SHISA9: variants seen among roughly 807,000 people sequenced by gnomAD.
The protein encoded by SHISA9 is shisa family member 9.
A neutral mutation model predicts 38.0 loss-of-function variants in SHISA9; 13 were observed. That is an observed-to-expected ratio of 0.34 (90% CI 0.22 to 0.54). The LOEUF is 0.54. Among genes scored for constraint, SHISA9 ranks in the 20% least tolerant of loss-of-function variants. The probability of loss-of-function intolerance (pLI) is 0.91; values close to 1 mark genes in which losing one functional copy is unlikely to be tolerated. For missense variants in SHISA9, 538 were observed against 575.8 expected, an observed-to-expected ratio of 0.93 and a Z score of 0.67; for synonymous variants, 275 against 242.0, an observed-to-expected ratio of 1.14 and a Z score of -1.27.
At chr16:13,113,665 T>G (rs1231956046) in intron 2 of SHISA9, among the ~76,000 whole-genome samples, 1 of 152,206 alleles carries the variant, frequency 6.6e-6, no homozygotes, top group Non-Finnish European at 1.5e-5. Flanking sequence ...TAATATTCAG[T>G]TGCTGCAGGG....
chr16:13,274,083 G>A, the SHISA9 span, among the ~76,000 whole-genome samples: 5 of 152,076 alleles, frequency 3.3e-5, no homozygotes, highest in Non-Finnish European at 7.4e-5. Context: ...TATTTGTCTA[G>A]ACAAGTATCC....
intron 2 of SHISA9, among the ~76,000 whole-genome samples, chr16:12,958,959 C>T (rs2071872479): frequency 6.6e-6 from 1 of 152,106 alleles, no homozygotes; most frequent in Non-Finnish European, 1.5e-5. Context: ...CCCAGCTGGG[C>T]CAGTGTGGCT....
At chr16:13,558,580 C>G in the SHISA9 span, among the ~76,000 whole-genome samples, 1 of 152,170 alleles carries the variant, frequency 6.6e-6, no homozygotes, top group Non-Finnish European at 1.5e-5. Flanking sequence ...TTCACTAACA[C>G]TGAGCTCACA....
In SHISA9 at chr16:12,901,934, C is replaced by T; in HGVS notation, c.-131C>T. On this transcript the variant is annotated 5_prime_UTR_variant, in exon 1 of 5. Transcript: ENST00000558583. Reference sequence around the variant, plus strand: ...GCCGACCACCGAGCGCCCCGCGCCGCTCCCTGCATGTGCGGCCCGCGGCGG... The same window carrying T: ...GCCGACCACCGAGCGCCCCGCGCCGTTCCCTGCATGTGCGGCCCGCGGCGG... 1.6e-6 allele frequency: 1 copy of T among 621,686 alleles called. No homozygotes were observed. The highest frequency in any genetic ancestry group is 4.7e-5 in the Admixed American group (1 of 21,060). The allele number at this position is 621,686 out of a possible 1,614,324, so 38.5% of individuals were successfully genotyped here.
chr16:13,015,890 C>CTTTTCTTTCTTTCTTTCTTTCTTTCTT (rs768484604), intron 2 of SHISA9, among the ~76,000 whole-genome samples: 1 of 117,034 alleles, frequency 8.5e-6, no homozygotes, highest in African/African-American at 3.1e-5. Flanking sequence ...TTCTTTCTTT[C>CTTTTCTTTCTTTCTTTCTTTCTTTCTT]TTTCTTTCTT....
chr16:13,090,639 G>A (rs548150502), intron 2 of SHISA9, among the ~76,000 whole-genome samples: 3 of 151,720 alleles, frequency 2.0e-5, no homozygotes, highest in Non-Finnish European at 4.4e-5. Flanking sequence ...CTGTTTTTTT[G>A]CTTTCCATTT....
At chr16:13,205,690 A>G (rs533246975) in intron 3 of SHISA9, among the ~76,000 whole-genome samples, 1 of 152,294 alleles carries the variant, frequency 6.6e-6, no homozygotes, top group South Asian at 2.1e-4. Flanking sequence ...TCTTGTTTCT[A>G]GTAGCCCCAT....
At chr16:13,297,957 T>C in the SHISA9 span, among the ~76,000 whole-genome samples, 8 of 152,158 alleles carry the variant, frequency 5.3e-5, no homozygotes, top group Admixed American at 5.2e-4. Flanking sequence ...GGTTTCTCCA[T>C]GTTGGTCAGG....
At chr16:13,101,437 A>T (rs1049873527) in intron 2 of SHISA9, among the ~76,000 whole-genome samples, 1 of 152,216 alleles carries the variant, frequency 6.6e-6, no homozygotes. Flanking sequence ...GGAATACAGA[A>T]ATATATACTG....
At chr16:13,476,739 T>TG in the SHISA9 span, among the ~76,000 whole-genome samples, 5 of 68,776 alleles carry the variant, frequency 7.3e-5, no homozygotes, top group East Asian at 5.1e-4. Context: ...CTGTTTTGTG[T>TG]TTTTTTTTTT....
chr16:12,968,189 C>CAAAAAAAAAAAAAAAAAAA (rs200194973), intron 2 of SHISA9, among the ~76,000 whole-genome samples: 1 of 82,048 alleles, frequency 1.2e-5, no homozygotes, highest in African/African-American at 4.9e-5. Context: ...GGCTCCATCT[C>CAAAAAAAAAAAAAAAAAAA]AAAAAAAAAA....
the SHISA9 span, among the ~76,000 whole-genome samples, chr16:13,416,008 C>G: frequency 6.6e-6 from 1 of 152,122 alleles, no homozygotes; most frequent in African/African-American, 2.4e-5. Flanking sequence ...GAGGTGCTTT[C>G]GTGGCATTGG....
chr16:13,112,654 G>C (rs2073990797), intron 2 of SHISA9, among the ~76,000 whole-genome samples: 1 of 151,796 alleles, frequency 6.6e-6, no homozygotes, highest in Admixed American at 6.6e-5. Flanking sequence ...ACAAATTAAA[G>C]ACCAGTCAAG....
At chr16:12,958,511 C>T (rs947291099) in intron 2 of SHISA9, among the ~76,000 whole-genome samples, 3 of 152,184 alleles carry the variant, frequency 2.0e-5, no homozygotes, top group African/African-American at 7.2e-5. Context: ...TGGGTATGTG[C>T]TGGACACAAT....
intron 2 of SHISA9, among the ~76,000 whole-genome samples, chr16:13,198,947 C>T (rs995094376): frequency 6.6e-6 from 1 of 152,054 alleles, no homozygotes; most frequent in Non-Finnish European, 1.5e-5. Context: ...ACTCACTGCC[C>T]CTGAGGTGTC....
the SHISA9 span, among the ~76,000 whole-genome samples, chr16:13,273,589 T>C: frequency 6.6e-6 from 1 of 152,198 alleles, no homozygotes; most frequent in Non-Finnish European, 1.5e-5. Flanking sequence ...GTAAGTCCAT[T>C]AAACCTCTCT....
chr16:12,915,993 T>TG (rs1224387368), intron 1 of SHISA9, among the ~76,000 whole-genome samples: 12 of 94,320 alleles, frequency 1.3e-4, no homozygotes, highest in African/African-American at 3.7e-4. Flanking sequence ...TGAGTTTTTT[T>TG]TTTGTGTGTG....
chr16:13,145,098 G>A (rs1394834780), intron 2 of SHISA9, among the ~76,000 whole-genome samples: 2 of 152,152 alleles, frequency 1.3e-5, no homozygotes, highest in Non-Finnish European at 2.9e-5. Context: ...TTGCCAGGTG[G>A]CTTGCAGACC....
the SHISA9 span, among the ~76,000 whole-genome samples, chr16:13,528,165 G>A: frequency 6.6e-6 from 1 of 151,804 alleles, no homozygotes; most frequent in Non-Finnish European, 1.5e-5. Context: ...AAGAGAAGAG[G>A]CTTCTGAAAG....
Sources: gnomAD v4.1 joint callset for allele counts (sites outside exome capture counted in the v4.1 genomes callset) on GRCh38, gnomAD v4.1.1 for gene constraint, MANE v1.5 for transcripts, NCBI Gene and HGNC (gene_info 2026-07-23, HGNC 2026-07-21) for gene names.